The following RGS6 variants were observed in gnomAD, a reference collection of about 807,000 sequenced individuals.
RGS6 encodes regulator of G-protein signaling 6.
Under a neutral mutation model 78.5 loss-of-function variants are expected in RGS6, and 30 were observed. The observed-to-expected ratio is 0.38, with a 90% CI of 0.29 to 0.52. The LOEUF (loss-of-function observed/expected upper bound fraction) is 0.52. Among genes scored for constraint, RGS6 ranks in the 20% least tolerant of loss-of-function variants. The pLI is 0.85. For synonymous variants in RGS6, 206 were observed against 206.0 expected (o/e 1.00, Z 0.00); for missense variants, 495 against 609.7 (o/e 0.81, Z 1.98).
intron 2 of RGS6, among the ~76,000 whole-genome samples, chr14:71,994,864 T>A (rs2095127492): frequency 6.6e-6 from 1 of 152,132 alleles, no homozygotes; most frequent in African/African-American, 2.4e-5. Context: ...ACGATACATT[T>A]CTTTTGTTGA....
chr14:72,266,657 G>A (rs1335379775), intron 2 of RGS6, among the ~76,000 whole-genome samples: 3 of 152,232 alleles, frequency 2.0e-5, no homozygotes, highest in Non-Finnish European at 2.9e-5. Flanking sequence ...TCTCAGAAGG[G>A]CATCAGGGTT....
chr14:72,550,493 C>T, intron 17 of RGS6: 1 of 1,535,694 alleles, frequency 6.5e-7, no homozygotes, highest in Non-Finnish European at 8.7e-7. Context: ...AAAGCCTGGC[C>T]TTAACATCAT....
chr14:72,068,686 G>A (rs549637500), intron 2 of RGS6, among the ~76,000 whole-genome samples: 1 of 151,614 alleles, frequency 6.6e-6, no homozygotes, highest in African/African-American at 2.4e-5. Flanking sequence ...TACCAGAGAT[G>A]GGATTTCACC....
intron 2 of RGS6, among the ~76,000 whole-genome samples, chr14:72,061,677 A>G (rs2093904155): frequency 6.6e-6 from 1 of 152,210 alleles, no homozygotes; most frequent in Non-Finnish European, 1.5e-5. Flanking sequence ...ACCTTTAAAA[A>G]AGACCAATTA....
At chr14:72,560,501 T>C (rs941998831) in intron 17 of RGS6, among the ~76,000 whole-genome samples, 17 of 152,148 alleles carry the variant, frequency 1.1e-4, no homozygotes, top group Non-Finnish European at 2.9e-5. Flanking sequence ...TCACACTCTA[T>C]GTAAGAAAGG....
chr14:72,007,377 A>G (rs1165124614), intron 2 of RGS6, among the ~76,000 whole-genome samples: 1 of 152,194 alleles, frequency 6.6e-6, no homozygotes, highest in African/African-American at 2.4e-5. Flanking sequence ...ATGCGACTAT[A>G]AAGTCTTTTC....
chr14:72,107,828 C>A (rs952568306), intron 2 of RGS6, among the ~76,000 whole-genome samples: 14 of 152,122 alleles, frequency 9.2e-5, no homozygotes, highest in Admixed American at 5.9e-4. Context: ...CATAATTACT[C>A]ATTTGCATGC....
intron 2 of RGS6, among the ~76,000 whole-genome samples, chr14:72,205,977 G>A (rs1488525432): frequency 6.6e-6 from 1 of 152,214 alleles, no homozygotes; most frequent in African/African-American, 2.4e-5. Flanking sequence ...AATTTAAAAT[G>A]TATATGCCCT....
At chr14:72,084,743 T>TC (rs1253942491) in intron 2 of RGS6, among the ~76,000 whole-genome samples, 2 of 152,084 alleles carry the variant, frequency 1.3e-5, no homozygotes, top group Non-Finnish European at 2.9e-5. Flanking sequence ...ATTGATTTTT[T>TC]TTTTTTCCTG....
chr14:72,543,301 C>T (rs1195176012), intron 17 of RGS6, among the ~76,000 whole-genome samples: 1 of 152,136 alleles, frequency 6.6e-6, no homozygotes, highest in Non-Finnish European at 1.5e-5. Context: ...CCTCAGCTGC[C>T]CTGGTGCAGT....
At chr14:72,561,303 C>T (rs964967575) in intron 17 of RGS6, among the ~76,000 whole-genome samples, 3 of 152,180 alleles carry the variant, frequency 2.0e-5, no homozygotes, top group African/African-American at 7.2e-5. Flanking sequence ...CACTGCAGCC[C>T]CATGCTGACG....
chr14:71,948,648 T>A (rs1439115087), intron 1 of RGS6, among the ~76,000 whole-genome samples: 2 of 151,758 alleles, frequency 1.3e-5, no homozygotes, highest in Non-Finnish European at 2.9e-5. Context: ...TTACCGTTCT[T>A]CCAGAAACCA....
chr14:72,227,204 C>T (rs2048331069), intron 2 of RGS6, among the ~76,000 whole-genome samples: 1 of 152,202 alleles, frequency 6.6e-6, no homozygotes, highest in African/African-American at 2.4e-5. Context: ...TGAAACTTCT[C>T]ACTTTATTTT....
intron 2 of RGS6, among the ~76,000 whole-genome samples, chr14:72,095,906 A>G (rs1042336119): frequency 6.6e-6 from 1 of 152,184 alleles, no homozygotes; most frequent in Non-Finnish European, 1.5e-5. Flanking sequence ...ATCAGTGGGG[A>G]CGAGATAGTT....
chr14:72,386,112 A>G (rs2239219), intron 3 of RGS6, among the ~76,000 whole-genome samples: 88,977 of 152,074 alleles, frequency 0.59, 27,787 homozygotes, highest in African/African-American at 0.81. Flanking sequence ...ACCCAGTGTC[A>G]TGGGCAGCAA....
intron 2 of RGS6, among the ~76,000 whole-genome samples, chr14:72,168,382 G>A (rs750315540): frequency 2.0e-5 from 3 of 152,120 alleles, no homozygotes; most frequent in South Asian, 2.1e-4. Flanking sequence ...TCCTGATGGC[G>A]GGGAATCCCA....
At chr14:72,033,154 T>C (rs532594710) in intron 2 of RGS6, among the ~76,000 whole-genome samples, 1 of 152,328 alleles carries the variant, frequency 6.6e-6, no homozygotes, top group South Asian at 2.1e-4. Context: ...GTCAATTTTA[T>C]AGCAAAGTGT....
chr14:72,424,413 G>T (rs2094343892), intron 3 of RGS6, among the ~76,000 whole-genome samples: 1 of 152,166 alleles, frequency 6.6e-6, no homozygotes, highest in Non-Finnish European at 1.5e-5. Flanking sequence ...TGAGGGCATT[G>T]CAGCTGTTCT....
intron 14 of RGS6, among the ~76,000 whole-genome samples, chr14:72,513,255 T>C (rs979261609): frequency 4.6e-5 from 7 of 152,178 alleles, no homozygotes; most frequent in African/African-American, 1.4e-4. Flanking sequence ...CTATCAGAGC[T>C]TCAGAATGCG....
Sources: allele counts gnomAD v4.1 joint callset (sites outside exome capture counted in the v4.1 genomes callset), GRCh38; gene constraint gnomAD v4.1.1; transcripts MANE v1.5; gene names NCBI Gene and HGNC (gene_info 2026-07-23, HGNC 2026-07-21).